Variants in PIWIL4 observed in about 807,000 individuals in gnomAD.
PIWIL4 encodes the protein piwi like RNA-mediated gene silencing 4, also known as piwi-like protein 4.
Under a neutral mutation model 100.9 loss-of-function variants are expected in PIWIL4, and 50 were observed. The ratio of observed to expected loss-of-function variants is 0.50; its 90% confidence interval spans 0.39 to 0.63. The LOEUF is 0.63. Among genes scored for constraint, PIWIL4 ranks in the 20% least tolerant of loss-of-function variants. The pLI is 0.00. For synonymous variants in PIWIL4, 342 were observed against 367.5 expected, an observed-to-expected ratio of 0.93 and a Z score of 0.79; for missense variants, 887 against 1,043.3, an observed-to-expected ratio of 0.85 and a Z score of 2.06.
At chr11:94,576,322 C>T (rs1172380074) in intron 3 of PIWIL4, among the ~76,000 whole-genome samples, 3 of 152,078 alleles carry the variant, frequency 2.0e-5, no homozygotes, top group Non-Finnish European at 2.9e-5. Flanking sequence ...TTTATAGAGA[C>T]AGGGTCTTGC....
At chr11:94,609,819 A>G (rs1474680344) in intron 15 of PIWIL4, among the ~76,000 whole-genome samples, 1 of 152,112 alleles carries the variant, frequency 6.6e-6, no homozygotes, top group Non-Finnish European at 1.5e-5. Flanking sequence ...ACATTGTGAA[A>G]TAATTACCAC....
chr11:94,608,617 G>C lies in PIWIL4; in HGVS notation c.1874G>C (p.Cys625Ser). 4.3e-6 allele frequency: 7 copies of C among 1,614,138 alleles called. No individual in the cohort carries two copies. The highest frequency in any genetic ancestry group is 5.9e-6 in the Non-Finnish European group (7 of 1,179,996). Residue 625 changes from cysteine (C) to serine (S), a missense_variant, in exon 15 of 20, where the codon TGT (cysteine) becomes TCT (serine). By Grantham distance (112) the Cys-to-Ser change is moderately radical. Transcript: ENST00000299001. ...KSLMVVGIDV[C>S]KDALSKDVMV... is the part of the protein sequence containing the mutation. ...CTGATGGTGGTCGGTATTGATGTCT[G>C]TAAAGATGCACTCAGCAAGGACGTG...
chr11:94,607,951 C>G (rs1316522404), intron 14 of PIWIL4, among the ~76,000 whole-genome samples: 2 of 152,180 alleles, frequency 1.3e-5, no homozygotes, highest in Non-Finnish European at 2.9e-5. Flanking sequence ...TGAGAATAGC[C>G]TTGCACCCTG....
intron 9 of PIWIL4, among the ~76,000 whole-genome samples, chr11:94,594,264 C>T (rs7124618): frequency 0.39 from 59,689 of 151,544 alleles, 12,409 homozygotes; most frequent in African/African-American, 0.53. Flanking sequence ...GTCAGGAGTT[C>T]GAGACCAGCC....
chr11:94,592,713 A>C (rs1948503755), intron 8 of PIWIL4, among the ~76,000 whole-genome samples: 1 of 152,206 alleles, frequency 6.6e-6, no homozygotes, highest in South Asian at 2.1e-4. Flanking sequence ...AATGTGGATT[A>C]AATTATAATG....
In PIWIL4 at chr11:94,579,203, G is replaced by A. The variant is rs576243285; in HGVS notation, c.513+1711G>A. Among the ~76,000 whole-genome samples the A allele has an allele frequency of 1.9e-4, 29 of 152,138 alleles. No homozygotes were observed. In the South Asian group the frequency reaches 2.5e-3, roughly 13 times the overall value. On this transcript the variant is annotated intron_variant, in intron 4 of 19. Coordinates refer to ENST00000299001, the MANE Select transcript of PIWIL4 (RefSeq NM_152431.3). The stretch of plus-strand genomic sequence containing the variant: ...ATCAATTTTTGATTCTAGAATTGCC[G>A]TTTATTTAACTACTTGCTCGATCAT...
At chr11:94,578,108 T>C (rs1315450903) in intron 4 of PIWIL4, among the ~76,000 whole-genome samples, 1 of 152,198 alleles carries the variant, frequency 6.6e-6, no homozygotes, top group Admixed American at 6.5e-5. Flanking sequence ...ACCTTTGCTC[T>C]TGATGGGTTG....
intron 7 of PIWIL4, among the ~76,000 whole-genome samples, chr11:94,587,644 C>T (rs1357897368): frequency 6.6e-6 from 1 of 152,230 alleles, no homozygotes; most frequent in Non-Finnish European, 1.5e-5. Context: ...CCTCCATTTG[C>T]CTACTTAGTT....
chr11:94,585,262 A>G (rs539914480), intron 5 of PIWIL4, among the ~76,000 whole-genome samples, 183 bp from the exon 6 acceptor site: 2 of 152,358 alleles, frequency 1.3e-5, no homozygotes, highest in South Asian at 4.1e-4. Context: ...TCAAATATGA[A>G]GAAGTGATAG....
At position 94,621,259 on chromosome 11, in the gene PIWIL4, T is replaced by C. The variant is rs1018512571; in HGVS notation, c.*267T>C. The C allele has an allele frequency of 1.1e-5, 4 of 367,864 alleles. No homozygotes were observed. The highest frequency in any genetic ancestry group is 8.3e-5 in the African/African-American group (4 of 48,240). The allele number at this position is 367,864 out of a possible 1,614,324, so 22.8% of individuals were successfully genotyped here. Reference sequence around the variant, plus strand: ...ATCATCTACAAAGAATTCCACAGAGTTAAATATCTTAAGTTAAACACTTAA... The same window carrying C: ...ATCATCTACAAAGAATTCCACAGAGCTAAATATCTTAAGTTAAACACTTAA... On this transcript the variant is annotated 3_prime_UTR_variant, in exon 20 of 20. Coordinates refer to ENST00000299001, the MANE Select transcript of PIWIL4 (RefSeq NM_152431.3).
At chr11:94,574,364 C>T (rs560333954) in intron 2 of PIWIL4, among the ~76,000 whole-genome samples, 1 of 152,206 alleles carries the variant, frequency 6.6e-6, no homozygotes, top group Non-Finnish European at 1.5e-5. Flanking sequence ...TGTAATCCTT[C>T]AGGGTGTTAC....
intron 19 of PIWIL4, among the ~76,000 whole-genome samples, chr11:94,620,347 TAAC>T (rs1000158830): frequency 2.6e-5 from 4 of 152,176 alleles, no homozygotes; most frequent in Non-Finnish European, 5.9e-5. Context: ...AGAAACAAAA[TAAC>T]AATAACTATT....
In PIWIL4 at chr11:94,567,419, G is replaced by A; in HGVS notation, c.-100G>A. 9.1e-7 allele frequency: 1 copy of A among 1,098,030 alleles called. No individual in the cohort carries two copies. The highest frequency in any genetic ancestry group is 1.2e-6 in the Non-Finnish European group (1 of 800,728). 68.0% of individuals were successfully genotyped at this position (1,098,030 alleles called of 1,614,324 possible). Reference sequence around the variant, plus strand: ...GGATGCTGGACATCCACCGCCTCCAGGCAGTTTCGCCGTCACACCGTCGCC... The same window carrying A: ...GGATGCTGGACATCCACCGCCTCCAAGCAGTTTCGCCGTCACACCGTCGCC... On this transcript the variant is annotated 5_prime_UTR_variant, in exon 1 of 20. Transcript: ENST00000299001.
At chr11:94,605,448 A>G (rs1948703357) in intron 13 of PIWIL4, among the ~76,000 whole-genome samples, 1 of 152,222 alleles carries the variant, frequency 6.6e-6, no homozygotes, top group Non-Finnish European at 1.5e-5. Context: ...CCTATATTCT[A>G]AGTGCATCCT....
intron 5 of PIWIL4, among the ~76,000 whole-genome samples, chr11:94,585,105 G>A (rs535439250): frequency 1.3e-3 from 197 of 152,216 alleles, no homozygotes; most frequent in Middle Eastern, 3.4e-3. Context: ...CCCCAAGTAG[G>A]GAAGAGGTCA....
chr11:94,611,785 A>G (rs1027359902), intron 15 of PIWIL4, among the ~76,000 whole-genome samples: 21 of 152,130 alleles, frequency 1.4e-4, no homozygotes, highest in African/African-American at 4.3e-4. Flanking sequence ...GCCTTTCATG[A>G]TGATTATAAG....
At chr11:94,587,894 A>G (rs1948425051) in intron 7 of PIWIL4, among the ~76,000 whole-genome samples, 1 of 142,024 alleles carries the variant, frequency 7.0e-6, no homozygotes, top group Admixed American at 7.0e-5. Context: ...GAAAATTTAG[A>G]TGACTTCCTG....
At chr11:94,582,463 A>T (rs953710669) in intron 4 of PIWIL4, among the ~76,000 whole-genome samples, 10 of 152,320 alleles carry the variant, frequency 6.6e-5, no homozygotes, top group African/African-American at 1.9e-4. Context: ...TACATTCTTG[A>T]TGCAATCTAA....
chr11:94,619,972 A>T (rs748170395), intron 18 of PIWIL4, 25 bp from the exon 19 acceptor site: 1 of 1,614,016 alleles, frequency 6.2e-7, no homozygotes, highest in East Asian at 2.2e-5. Flanking sequence ...CTTCTTTCCT[A>T]CATTCATTCC....
Sources: allele counts gnomAD v4.1 joint callset (sites outside exome capture counted in the v4.1 genomes callset), GRCh38; gene constraint gnomAD v4.1.1; transcripts MANE v1.5; gene names NCBI Gene and HGNC (gene_info 2026-07-23, HGNC 2026-07-21).